Variants in LPIN2 observed in about 807,000 individuals in gnomAD.
LPIN2 encodes the protein phosphatidate phosphatase LPIN2.
A neutral mutation model predicts 111.4 loss-of-function variants in LPIN2; 55 were observed. That is an observed-to-expected ratio of 0.49 (90% CI 0.40 to 0.62). The LOEUF (loss-of-function observed/expected upper bound fraction) is 0.62. Among genes scored for constraint, LPIN2 ranks in the 20% least tolerant of loss-of-function variants. LPIN2 has a pLI of 0.00. For missense variants in LPIN2, 992 were observed against 1,112.1 expected (o/e 0.89, Z 1.54); for synonymous variants, 425 against 414.0 (o/e 1.03, Z -0.32).
At chr18:2,932,993 A>T (rs976816283) in intron 8 of LPIN2, among the ~76,000 whole-genome samples, 1 of 152,220 alleles carries the variant, frequency 6.6e-6, no homozygotes, top group Admixed American at 6.5e-5. Flanking sequence ...AGTAACAACA[A>T]CATCTACACA....
In LPIN2 at chr18:2,939,898, T is replaced by C. The variant is rs572465698; in HGVS notation, c.699-295A>G. Among the ~76,000 whole-genome samples, 79 of 152,318 alleles carry C rather than the reference T, an allele frequency of 5.2e-4. 1 individual carries two copies. The highest frequency in any genetic ancestry group is 1.8e-3 in the African/African-American group (75 of 41,582). ...ATCAATGAGAAAGAAGATAATTTTG[T>C]AGGAAAGGAAAAGCAGGCAAATTAA... is the stretch of plus-strand genomic sequence containing the variant. On this transcript the variant is annotated intron_variant, in intron 5 of 19. Coordinates refer to ENST00000677752, the MANE Select transcript of LPIN2 (RefSeq NM_001375808.2).
intron 1 of LPIN2, among the ~76,000 whole-genome samples, chr18:2,978,062 C>A (rs960488374): frequency 6.6e-6 from 1 of 151,974 alleles, no homozygotes; most frequent in Non-Finnish European, 1.5e-5. Flanking sequence ...GTGGTGGCAC[C>A]TGTAGTCCCA....
At chr18:2,935,586 C>G (rs1293098311) in intron 7 of LPIN2, among the ~76,000 whole-genome samples, 1 of 152,126 alleles carries the variant, frequency 6.6e-6, no homozygotes, top group African/African-American at 2.4e-5. Context: ...GCAATTTTGG[C>G]TTGGGAAACA....
intron 1 of LPIN2, among the ~76,000 whole-genome samples, chr18:2,998,601 G>T (rs2078380436): frequency 6.6e-6 from 1 of 152,138 alleles, no homozygotes; most frequent in Non-Finnish European, 1.5e-5. Flanking sequence ...GCTGCTCCCT[G>T]AAGAGAGGGA....
chr18:3,011,630 T>C (rs1055657804), intron 1 of LPIN2: 10 of 152,268 alleles, frequency 6.6e-5, no homozygotes, highest in African/African-American at 2.4e-4. Context: ...GAGATTGCAG[T>C]GATCGGAGAT....
At chr18:2,937,550 A>T in intron 7 of LPIN2, 142 bp downstream of exon 7, 1 of 518,502 alleles carries the variant, frequency 1.9e-6, no homozygotes, top group East Asian at 4.3e-5. Context: ...CAGCTAAAAA[A>T]AAAAAAAAAA....
At chr18:3,006,209 C>G (rs4570954) in intron 1 of LPIN2, among the ~76,000 whole-genome samples, 28,876 of 152,152 alleles carry the variant, frequency 0.19, 2,858 homozygotes, top group Middle Eastern at 0.21. Flanking sequence ...ATATTAAACA[C>G]CTCCTCGAAA....
At chr18:2,968,513 T>C (rs891792780) in intron 1 of LPIN2, among the ~76,000 whole-genome samples, 7 of 152,194 alleles carry the variant, frequency 4.6e-5, no homozygotes, top group Non-Finnish European at 8.8e-5. Context: ...TACTGTCTTA[T>C]ATAATCCCTT....
intron 1 of LPIN2, among the ~76,000 whole-genome samples, chr18:2,994,953 G>A (rs2078319717): frequency 6.6e-6 from 1 of 152,108 alleles, no homozygotes. Flanking sequence ...GCTGAATTTA[G>A]ACAGGGAGTT....
Position 2,937,199 on chromosome 18 carries a change from C to T in LPIN2, c.1168+493G>A, listed in dbSNP as rs375439312. Among the ~76,000 whole-genome samples the T allele has an allele frequency of 1.5e-3, 225 of 152,212 alleles. 1 individual carries two copies. In the Middle Eastern group the frequency reaches 0.034, roughly 23 times the overall value. ...GAGACAGCAGTGTGCAAGTCAGGCC[C>T]TGCTCCAACTGGACTTTCCAGGGGG... is the stretch of plus-strand genomic sequence containing the variant. On this transcript the variant is annotated intron_variant, in intron 7 of 19. Transcript: ENST00000677752.
chr18:3,010,669 A>G (rs1195040817), intron 1 of LPIN2, among the ~76,000 whole-genome samples: 1 of 152,220 alleles, frequency 6.6e-6, no homozygotes, highest in Non-Finnish European at 1.5e-5. Context: ...GACTTAAAGA[A>G]AAGCCTCTTG....
intron 1 of LPIN2, among the ~76,000 whole-genome samples, chr18:2,965,343 G>A (rs973773052): frequency 6.6e-6 from 1 of 152,116 alleles, no homozygotes; most frequent in Non-Finnish European, 1.5e-5. Flanking sequence ...TCAAGATTTC[G>A]TTATTCACCA....
At chr18:2,937,177 A>T (rs2144191200) in intron 7 of LPIN2, among the ~76,000 whole-genome samples, 1 of 152,266 alleles carries the variant, frequency 6.6e-6, no homozygotes, top group South Asian at 2.1e-4. Context: ...CAGTCAAGAG[A>T]CAGCAGTGTG....
In LPIN2 at chr18:2,951,098, C is replaced by T. The variant is rs748113065; in HGVS notation, c.547G>A (p.Val183Ile). ...ASAAAEDTCD[V>I]GVSSDDDKGA... ...TTGTCATCATCGGAGCTCACGCCTA[C>T]ATCACATGTGTCTTCTGCAGCAGCA... The change falls in exon 4 of 20, where the codon GTA becomes ATA. Residue 183 changes from valine to isoleucine, a missense_variant. Coordinates refer to ENST00000677752, the MANE Select transcript of LPIN2 (RefSeq NM_001375808.2). 6 of 1,614,220 alleles carry T rather than the reference C, an allele frequency of 3.7e-6. No homozygotes were observed. In the East Asian group the frequency reaches 8.9e-5, roughly 24 times the overall value.
chr18:2,928,390 G>A (rs768117062), intron 11 of LPIN2, among the ~76,000 whole-genome samples: 1 of 152,180 alleles, frequency 6.6e-6, no homozygotes, highest in Admixed American at 6.5e-5. Flanking sequence ...AAATAAAGAA[G>A]TGGCAGCCCT....
chr18:2,943,369 TAAG>T (rs1008979166), intron 4 of LPIN2, among the ~76,000 whole-genome samples: 9 of 152,008 alleles, frequency 5.9e-5, no homozygotes, highest in East Asian at 1.9e-4. Context: ...AAAGGCTCCT[TAAG>T]AAGTAAGAAA....
At chr18:2,989,085 C>A (rs1374412943) in intron 1 of LPIN2, among the ~76,000 whole-genome samples, 1 of 151,636 alleles carries the variant, frequency 6.6e-6, no homozygotes, top group Non-Finnish European at 1.5e-5. Context: ...CATATATTAT[C>A]TCTGATCTAC....
At chr18:2,955,143 A>G (rs1489046121) in intron 2 of LPIN2, among the ~76,000 whole-genome samples, 2 of 152,348 alleles carry the variant, frequency 1.3e-5, no homozygotes, top group Admixed American at 6.5e-5. Flanking sequence ...AAGTAATATC[A>G]TGTCAAAAAA....
At position 2,985,120 on chromosome 18, in the gene LPIN2, A is replaced by G. The variant is rs568958882; in HGVS notation, c.-9-24271T>C. On this transcript the variant is annotated intron_variant, in intron 1 of 19. Coordinates refer to ENST00000677752, the MANE Select transcript of LPIN2 (RefSeq NM_001375808.2). The stretch of plus-strand genomic sequence containing the variant: ...TGACTGCAAGGAACATGTACTATGG[A>G]CCCATCAGAAGTGAGCTCATTTTCT... The G allele has an allele frequency of 5.3e-5, 8 of 152,358 alleles. No individual in the cohort carries two copies. In the South Asian group the frequency reaches 1.0e-3, roughly 20 times the overall value. The allele number at this position is 152,358 out of a possible 1,614,324, so 9.4% of individuals were successfully genotyped here.
Sources: allele counts gnomAD v4.1 joint callset (sites outside exome capture counted in the v4.1 genomes callset), GRCh38; gene constraint gnomAD v4.1.1; transcripts MANE v1.5; gene names NCBI Gene and HGNC (gene_info 2026-07-23, HGNC 2026-07-21).